Variants in SF3A1 observed in about 807,000 individuals in gnomAD.
SF3A1 encodes SAP 114.
Under a neutral mutation model 89.9 loss-of-function variants are expected in SF3A1, and 13 were observed. That is an observed-to-expected ratio of 0.14 (90% CI 0.09 to 0.23). The LOEUF (loss-of-function observed/expected upper bound fraction) is 0.23, where lower values mean the gene tolerates loss of function less well. SF3A1 is among the 10% of genes least tolerant of loss of function. The probability of loss-of-function intolerance (pLI) is 1.00; values close to 1 mark genes in which losing one functional copy is unlikely to be tolerated. For synonymous variants in SF3A1, 405 were observed against 374.4 expected (o/e 1.08, Z -0.94); for missense variants, 604 against 1,022.1 (o/e 0.59, Z 5.58).
Position 30,342,856 on chromosome 22 carries a change from T to A in SF3A1, c.675A>T (p.Leu225Phe). The change falls in exon 5 of 16, where the codon TTA becomes TTT. Residue 225 changes from leucine (L) to phenylalanine (F), a missense_variant. Leu to Phe is a conservative substitution (Grantham distance 22). Around this residue, in one of 9 missense-constraint regions of SF3A1, gnomAD observed 162 missense variants for 229.2 expected, o/e 0.71. Transcript: ENST00000215793. Reference protein sequence around the residue: ...YTKILIPPKGLFSKLKKEAEN... With the variant: ...YTKILIPPKGFFSKLKKEAEN... ...CAGCCTCTTTCTTGAGCTTTGAAAATAAACCTTTGGGTGGAATCAAGATCT... is the reference window on the plus strand; with the variant it reads ...CAGCCTCTTTCTTGAGCTTTGAAAAAAAACCTTTGGGTGGAATCAAGATCT... The A allele has an allele frequency of 6.2e-7, 1 of 1,612,716 alleles. No individual in the cohort carries two copies. The highest frequency in any genetic ancestry group is 8.5e-7 in the Non-Finnish European group (1 of 1,179,178).
At chr22:30,342,719 A>G in intron 5 of SF3A1, 86 bp downstream of exon 5, 1 of 909,900 alleles carries the variant, frequency 1.1e-6, no homozygotes, top group African/African-American at 1.7e-5. Flanking sequence ...CTGGAACATA[A>G]CAAGGTCCTG....
chr22:30,346,280 T>C (rs1349312391), intron 3 of SF3A1, 32 bp downstream of exon 3: 2 of 1,420,524 alleles, frequency 1.4e-6, no homozygotes, highest in Non-Finnish European at 9.9e-7. Flanking sequence ...TCTCAAGCCC[T>C]GCGTAAGTGA....
At position 30,345,147 on chromosome 22, in the gene SF3A1, G is replaced by A; in HGVS notation, c.437C>T (p.Pro146Leu). Residue 146 changes from proline (P) to leucine (L), a missense_variant, in exon 4 of 16, where the codon CCT (proline) becomes CTT (leucine). Physicochemically the swap from Pro to Leu is moderately conservative, Grantham distance 98. Coordinates refer to ENST00000215793, the MANE Select transcript of SF3A1 (RefSeq NM_005877.6). Reference protein sequence around the residue: ...VIQETIVPKEPPPEFEFIADP... With the variant: ...VIQETIVPKELPPEFEFIADP... ...AGCAATGAACTCAAACTCAGGAGGA[G>A]GCTCTTTGGGCACGATGGTCTCTTG... 1 of 1,614,134 alleles carries A rather than the reference G, an allele frequency of 6.2e-7. No individual in the cohort carries two copies. Among genetic ancestry groups the A allele is most frequent in the African/African-American group, 1.3e-5 (1 of 75,030 alleles).
At chr22:30,353,162 G>A in intron 1 of SF3A1, 90 bp from the exon 2 acceptor site, 1 of 1,492,408 alleles carries the variant, frequency 6.7e-7, no homozygotes, top group African/African-American at 1.4e-5. Flanking sequence ...ATCATTCAGA[G>A]TAGACTTTCA....
chr22:30,340,362 T>G lies in SF3A1; in HGVS notation c.1209A>C (p.Pro403=). ...YDPKASKPLP[P]APAPDEYLVS... The stretch of plus-strand genomic sequence containing the variant: ...CAAGATACTCATCTGGAGCAGGGGC[T>G]GGAGGCAAGGGCTTGGAGGCTAAAA... The change falls in exon 9 of 16, where the codon CCA becomes CCC. Residue 403 remains proline (P), a synonymous_variant. Transcript: ENST00000215793. The G allele has an allele frequency of 6.2e-7, 1 of 1,611,578 alleles. No homozygotes were observed. Among genetic ancestry groups the G allele is most frequent in the Admixed American group, 1.7e-5 (1 of 58,998 alleles).
Position 30,356,866 on chromosome 22 carries a change from CG to C in SF3A1, c.-75del. 1 of 1,213,822 alleles carries C rather than the reference CG, an allele frequency of 8.2e-7. No individual in the cohort carries two copies. Among genetic ancestry groups the C allele is most frequent in the Non-Finnish European group, 1.0e-6 (1 of 954,712 alleles). The allele number at this position is 1,213,822 out of a possible 1,614,324, so 75.2% of individuals were successfully genotyped here. On this transcript the variant is annotated 5_prime_UTR_variant, in exon 1 of 16. Transcript: ENST00000215793. ...GCCGCCTCAAGACAGCCTCCCCGCT[CG>C]GTCAGTACGACGAGCTCGCAAGATG...
intron 2 of SF3A1, among the ~76,000 whole-genome samples, chr22:30,350,923 GAGA>G (rs1247142729): frequency 7.2e-5 from 11 of 152,236 alleles, no homozygotes; most frequent in African/African-American, 2.7e-4. Flanking sequence ...ATCAAGCACA[GAGA>G]AGCTTTCAAC....
chr22:30,338,753 C>G lies in SF3A1; in HGVS notation c.1743+36G>C. ...AGTGTCCGACCTCAAGAATGAAGCT[C>G]TAAAAAAGTCAGTTCCAGGGTAGAT... On this transcript the variant is annotated intron_variant, in intron 11 of 15. Transcript: ENST00000215793. 1.2e-6 allele frequency: 2 copies of G among 1,612,734 alleles called. 1 individual carries two copies. The highest frequency in any genetic ancestry group is 1.7e-6 in the Non-Finnish European group (2 of 1,179,522).
chr22:30,342,583 G>A, intron 5 of SF3A1: 2 of 627,268 alleles, frequency 3.2e-6, no homozygotes, highest in Non-Finnish European at 5.5e-6. Context: ...AGCTAGAGTG[G>A]AAAAGAGGGA....
intron 2 of SF3A1, among the ~76,000 whole-genome samples, chr22:30,348,037 G>A (rs1463284614): frequency 1.4e-4 from 22 of 152,304 alleles, no homozygotes. Flanking sequence ...TAGAGACGGG[G>A]TTTCACCATG....
chr22:30,342,961 G>A, intron 4 of SF3A1, 82 bp from the exon 5 acceptor site: 1 of 850,426 alleles, frequency 1.2e-6, no homozygotes, highest in Non-Finnish European at 2.0e-6. Context: ...CTGTGATAAA[G>A]CACAGGAGAT....
intron 1 of SF3A1, among the ~76,000 whole-genome samples, chr22:30,356,482 G>A (rs948104348): frequency 1.3e-5 from 2 of 152,246 alleles, no homozygotes; most frequent in African/African-American, 4.8e-5. Context: ...GATCTACGGC[G>A]GAGACTCCAC....
At chr22:30,356,131 T>C (rs1281778136) in intron 1 of SF3A1, among the ~76,000 whole-genome samples, 1 of 152,182 alleles carries the variant, frequency 6.6e-6, no homozygotes, top group Non-Finnish European at 1.5e-5. Context: ...TGGCACTGTA[T>C]CATCGATGGC....
intron 3 of SF3A1, 84 bp from the exon 4 acceptor site, chr22:30,345,274 A>G (rs1407603927): frequency 7.7e-7 from 1 of 1,304,658 alleles, no homozygotes; most frequent in South Asian, 1.3e-5. Context: ...ATGGGCATGC[A>G]CCCCTCAGCA....
Position 30,341,858 on chromosome 22 carries a change from T to C in SF3A1, c.905A>G (p.Glu302Gly). ...AATGAGGATTCGGGCCCCCAGCTCC[T>C]CTGGCGTGGTGGGGGGAGGGAAGTT... ...QGNFPPPTTPEELGARILIQE... is the reference protein window; with the variant it reads ...QGNFPPPTTPGELGARILIQE... Residue 302 changes from glutamate to glycine, a missense_variant, in exon 7 of 16, where the codon GAG becomes GGG. By Grantham distance (98) the Glu-to-Gly change is moderately conservative. Transcript: ENST00000215793. 6.2e-7 allele frequency: 1 copy of C among 1,613,546 alleles called. No individual in the cohort carries two copies. Among genetic ancestry groups the C allele is most frequent in the Non-Finnish European group, 8.5e-7 (1 of 1,179,986 alleles).
intron 13 of SF3A1, 54 bp from the exon 14 acceptor site, chr22:30,335,807 C>T: frequency 7.3e-7 from 1 of 1,377,152 alleles, no homozygotes; most frequent in South Asian, 1.2e-5. Flanking sequence ...CAATCAAGAA[C>T]TATGCTCTGC....
rs1930965427 is a variant in SF3A1, at chr22:30,333,154, G to A, written c.*1440C>T. 6.6e-6 allele frequency: 1 copy of A among 152,224 alleles called. No individual in the cohort carries two copies. Among genetic ancestry groups the A allele is most frequent in the African/African-American group, 2.4e-5 (1 of 41,430 alleles). 9.4% of individuals were successfully genotyped at this position (152,224 alleles called of 1,614,324 possible). ...CCAGGCCAGAGGCAAATGTCAGACA[G>A]GATAAGGGATGACATCCCATCAATC... On this transcript the variant is annotated 3_prime_UTR_variant, in exon 16 of 16. Coordinates refer to ENST00000215793, the MANE Select transcript of SF3A1 (RefSeq NM_005877.6).
In SF3A1 at chr22:30,349,372, C is replaced by A. The variant is rs191688264; in HGVS notation, c.186-2853G>T. Among the ~76,000 whole-genome samples the A allele has an allele frequency of 7.9e-3, 1,210 of 152,322 alleles. 6 individuals carry two copies. The highest frequency in any genetic ancestry group is 0.02 in the Middle Eastern group (6 of 294). ...CTTGGCTCACTGCAACCTCTGCCTCCCGGGTTCAAACGATTCTTCTGCCTC... is the reference window on the plus strand; with the variant it reads ...CTTGGCTCACTGCAACCTCTGCCTCACGGGTTCAAACGATTCTTCTGCCTC... On this transcript the variant is annotated intron_variant, in intron 2 of 15. Coordinates refer to ENST00000215793, the MANE Select transcript of SF3A1 (RefSeq NM_005877.6).
Position 30,334,517 on chromosome 22 carries a change from G to A in SF3A1, c.*77C>T. 2.0e-5 allele frequency: 17 copies of A among 858,072 alleles called. No homozygotes were observed. The highest frequency in any genetic ancestry group is 3.1e-5 in the Non-Finnish European group (17 of 552,888). 53.2% of individuals were successfully genotyped at this position (858,072 alleles called of 1,614,324 possible). ...ATGCAGGCAAGGCAAAGCCTCAGGG[G>A]GGCTCCTGGGTCTGGGGCAGGGGGT... On this transcript the variant is annotated 3_prime_UTR_variant, in exon 16 of 16. Transcript: ENST00000215793.
Sources: gnomAD v4.1 joint callset for allele counts (sites outside exome capture counted in the v4.1 genomes callset) on GRCh38, gnomAD v4.1.1 for gene constraint, gnomAD v4.1.1 regional missense constraint, MANE v1.5 for transcripts, NCBI Gene and HGNC (gene_info 2026-07-23, HGNC 2026-07-21) for gene names.